The following PLGRKT variants were observed in gnomAD, a reference collection of about 807,000 sequenced individuals.
The protein encoded by PLGRKT is plasminogen receptor with a C-terminal lysine.
Under a neutral mutation model 18.5 loss-of-function variants are expected in PLGRKT, and 22 were observed. The observed-to-expected ratio is 1.19, with a 90% CI of 0.85 to 1.70. The LOEUF (loss-of-function observed/expected upper bound fraction) is 1.70, where lower values mean the gene tolerates loss of function less well. PLGRKT is among the 40% of genes most tolerant of loss of function. The probability of loss-of-function intolerance (pLI) is 0.00; values close to 1 mark genes in which losing one functional copy is unlikely to be tolerated. For synonymous variants in PLGRKT, 72 were observed against 52.8 expected, an observed-to-expected ratio of 1.36 and a Z score of -1.58; for missense variants, 235 against 174.4, an observed-to-expected ratio of 1.35 and a Z score of -1.96.
At chr9:5,389,097 T>C (rs1817898284) in intron 3 of PLGRKT, among the ~76,000 whole-genome samples, 1 of 151,930 alleles carries the variant, frequency 6.6e-6, no homozygotes, top group Non-Finnish European at 1.5e-5. Flanking sequence ...TTGTGTTAGA[T>C]ATTTGGAGGA....
rs111835069 is a variant in PLGRKT, at chr9:5,387,670, G to A, written c.82-25782C>T. 1.8e-3 allele frequency among the ~76,000 whole-genome samples: 112 copies of A among 63,454 alleles called. 2 individuals are homozygous for A. In the Middle Eastern group the frequency reaches 0.037, roughly 21 times the overall value. 41.6% of individuals were successfully genotyped at this position (63,454 alleles called of 152,430 possible). ...AGAGAGGCGGGAGGAAGCCTCCTGCGGGGGGGCTGGGAATGATCTATCTTT... is the reference window on the plus strand; with the variant it reads ...AGAGAGGCGGGAGGAAGCCTCCTGCAGGGGGGCTGGGAATGATCTATCTTT... On this transcript the variant is annotated intron_variant, in intron 3 of 5. Coordinates refer to ENST00000223864, the MANE Select transcript of PLGRKT (RefSeq NM_018465.4).
chr9:5,416,942 C>T lies in PLGRKT; in HGVS notation c.81+14955G>A, dbSNP rs374674897. 5.8e-4 allele frequency among the ~76,000 whole-genome samples: 88 copies of T among 152,322 alleles called. No homozygotes were observed. In the Middle Eastern group the frequency reaches 0.014, roughly 24 times the overall value. On this transcript the variant is annotated intron_variant, in intron 3 of 5. Transcript: ENST00000223864. ...AATATTAAAAGTATTTTCATTAGCT[C>T]CCCAAGTGACTGCAGACATATTAAT... is the stretch of plus-strand genomic sequence containing the variant.
At position 5,400,499 on chromosome 9, in the gene PLGRKT, A is replaced by T. The variant is rs1218894879; in HGVS notation, c.81+31398T>A. ...CTGTATTTCTAATTTGTCTTTGGTA[A>T]ATATACTTGAACTGAACCTAACCAG... On this transcript the variant is annotated intron_variant, in intron 3 of 5. Coordinates refer to ENST00000223864, the MANE Select transcript of PLGRKT (RefSeq NM_018465.4). 2.0e-5 allele frequency among the ~76,000 whole-genome samples: 3 copies of T among 152,024 alleles called. No homozygotes were observed. The East Asian group carries it at 5.8e-4, about 29-fold the overall frequency.
At chr9:5,437,123 C>T (rs1818975145) in intron 1 of PLGRKT, among the ~76,000 whole-genome samples, 1 of 152,128 alleles carries the variant, frequency 6.6e-6, no homozygotes, top group Non-Finnish European at 1.5e-5. Flanking sequence ...TGCTTCAGCC[C>T]TGCCTCAGGT....
At chr9:5,438,271 C>T (rs1228504566), upstream of PLGRKT, among the ~76,000 whole-genome samples, 2 of 152,208 alleles carry the variant, frequency 1.3e-5, no homozygotes, top group Admixed American at 6.5e-5. Flanking sequence ...ATGTCGGTCT[C>T]GCCTCAACCT....
intron 3 of PLGRKT, among the ~76,000 whole-genome samples, chr9:5,380,489 A>G (rs1817721584): frequency 6.6e-6 from 1 of 152,078 alleles, no homozygotes; most frequent in African/African-American, 2.4e-5. Context: ...ATAAATCACA[A>G]TCCTACGATT....
At chr9:5,423,618 A>G (rs1818618295) in intron 3 of PLGRKT, among the ~76,000 whole-genome samples, 1 of 152,084 alleles carries the variant, frequency 6.6e-6, no homozygotes, top group African/African-American at 2.4e-5. Context: ...TTTCTTCTTG[A>G]AACACTCTAT....
At chr9:5,376,165 G>C (rs1262702511) in intron 3 of PLGRKT, among the ~76,000 whole-genome samples, 2 of 152,082 alleles carry the variant, frequency 1.3e-5, no homozygotes, top group Non-Finnish European at 2.9e-5. Flanking sequence ...AGACAGAAAG[G>C]AGAATGGTGG....
intron 3 of PLGRKT, among the ~76,000 whole-genome samples, chr9:5,417,213 T>C (rs187761810): frequency 1.3e-5 from 2 of 152,354 alleles, no homozygotes. Flanking sequence ...AAGCAGTTTC[T>C]TTATCTGAGC....
chr9:5,417,680 C>T (rs11789768), intron 3 of PLGRKT, among the ~76,000 whole-genome samples: 34,137 of 147,898 alleles, frequency 0.23, 4,347 homozygotes, highest in Non-Finnish European at 0.29. Context: ...CATGATGTCT[C>T]GGTTTATTGC....
chr9:5,386,188 T>C (rs1291285103), intron 3 of PLGRKT, among the ~76,000 whole-genome samples: 5 of 151,960 alleles, frequency 3.3e-5, no homozygotes, highest in Non-Finnish European at 4.4e-5. Context: ...TGTGAAACTA[T>C]GGCAGGCTGA....
At chr9:5,424,225 A>G (rs1189833342) in intron 3 of PLGRKT, among the ~76,000 whole-genome samples, 1 of 137,882 alleles carries the variant, frequency 7.3e-6, no homozygotes, top group East Asian at 2.0e-4. Context: ...TGTAATATAT[A>G]TGTATTTATA....
intron 3 of PLGRKT, chr9:5,381,762 A>T: frequency 7.6e-6 from 3 of 392,568 alleles, no homozygotes; most frequent in Non-Finnish European, 1.0e-5. Context: ...TCTGTGTAGT[A>T]GGATTTTATT....
chr9:5,394,418 T>G (rs1230988876), intron 3 of PLGRKT, among the ~76,000 whole-genome samples: 1 of 151,804 alleles, frequency 6.6e-6, no homozygotes, highest in Non-Finnish European at 1.5e-5. Context: ...TTTTTGTTTG[T>G]TTGTTTGTTT....
intron 2 of PLGRKT, among the ~76,000 whole-genome samples, chr9:5,433,179 C>A (rs1396255944): frequency 6.6e-6 from 1 of 151,264 alleles, no homozygotes. Flanking sequence ...AGTGCCTCTG[C>A]CCGGCCGCCA....
chr9:5,370,368 T>C (rs1817490284), intron 3 of PLGRKT, among the ~76,000 whole-genome samples: 1 of 152,220 alleles, frequency 6.6e-6, no homozygotes, highest in African/African-American at 2.4e-5. Flanking sequence ...GTTATTAAAT[T>C]TCATTTGGAC....
At position 5,420,191 on chromosome 9, in the gene PLGRKT, A is replaced by G. The variant is rs1319061229; in HGVS notation, c.81+11706T>C. 9.2e-5 allele frequency among the ~76,000 whole-genome samples: 14 copies of G among 152,250 alleles called. 1 individual carries two copies. Among genetic ancestry groups the G allele is most frequent in the Admixed American group, 9.2e-4 (14 of 15,280 alleles). On this transcript the variant is annotated intron_variant, in intron 3 of 5. Transcript: ENST00000223864. The stretch of plus-strand genomic sequence containing the variant: ...AATAGGCAAACCCATTGAGGCAGAA[A>G]GCAGATGAGTGGTTGCAGAAAGCAT...
chr9:5,372,931 C>T (rs558099839), intron 3 of PLGRKT, among the ~76,000 whole-genome samples: 3 of 152,246 alleles, frequency 2.0e-5, no homozygotes, highest in African/African-American at 4.8e-5. Flanking sequence ...TGATTTTCCC[C>T]GTGGTCACAG....
At chr9:5,369,040 G>A (rs1023659719) in intron 3 of PLGRKT, among the ~76,000 whole-genome samples, 2 of 152,150 alleles carry the variant, frequency 1.3e-5, no homozygotes, top group African/African-American at 4.8e-5. Flanking sequence ...TCAGGACATA[G>A]GCATGGGCAA....
Sources: allele counts gnomAD v4.1 joint callset (sites outside exome capture counted in the v4.1 genomes callset), GRCh38; gene constraint gnomAD v4.1.1; transcripts MANE v1.5; gene names NCBI Gene and HGNC (gene_info 2026-07-23, HGNC 2026-07-21).